Variants in CALR3 observed in about 807,000 individuals in gnomAD.
CALR3 encodes the protein calreticulin-3.
In CALR3, 39 loss-of-function variants were observed where a neutral mutation model predicts 48.7. The observed-to-expected ratio is 0.80, with a 90% CI of 0.62 to 1.05. CALR3 has a LOEUF of 1.05. CALR3 is among the 50% of genes least tolerant of loss of function. CALR3 has a pLI of 0.00. For missense variants in CALR3, 449 were observed against 474.7 expected (o/e 0.95, Z 0.50); for synonymous variants, 185 against 172.7 (o/e 1.07, Z -0.56).
intron 3 of CALR3, among the ~76,000 whole-genome samples, chr19:16,486,934 CTTTT>C (rs1040557020): frequency 6.6e-6 from 1 of 152,062 alleles, no homozygotes; most frequent in African/African-American, 2.4e-5. Flanking sequence ...TTATTTTAAT[CTTTT>C]TTTGACCCCA....
rs2093406657 is a variant in CALR3 at position 16,495,681 on chromosome 19, C to T, written c.193+70G>A. ...GGGAATAAAAGCGTTTTGGCTGTGC[C>T]ACAACTACCTAGAGAGGTTGCTATG... On this transcript the variant is annotated intron_variant, in intron 2 of 8. Coordinates refer to ENST00000269881, the MANE Select transcript of CALR3 (RefSeq NM_145046.5). The T allele has an allele frequency of 2.4e-6, 3 of 1,244,672 alleles. 1 individual carries two copies. The South Asian group carries it at 3.6e-5, about 15-fold the overall frequency. The allele number at this position is 1,244,672 out of a possible 1,614,324, so 77.1% of individuals were successfully genotyped here. A position where few individuals can be genotyped will look rare whatever the true frequency, so the allele number is the denominator to read the frequency against.
chr19:16,480,466 C>T (rs888465698), intron 8 of CALR3, 148 bp downstream of exon 8: 28 of 641,816 alleles, frequency 4.4e-5, no homozygotes, highest in African/African-American at 3.1e-4. Context: ...GCAGGAGAAT[C>T]GCTTGAACCC....
Position 16,484,114 on chromosome 19 carries a change from A to G in CALR3, c.494T>C (p.Val165Ala), listed in dbSNP as rs1170351089. Residue 165 changes from valine (V) to alanine (A), a missense_variant and splice_region_variant, in exon 5 of 9, where the codon GTT (valine) becomes GCT (alanine). Transcript: ENST00000269881. ...HENKKLIRCK[V>A]DGFTHLYTLI... ...AGTGTACAGGTGTGTGAAGCCATCA[A>G]CCTGCATATTTTAGGGGGAAAAGCG... 3 of 1,613,460 alleles carry G rather than the reference A, an allele frequency of 1.9e-6. No individual in the cohort carries two copies. Among genetic ancestry groups the G allele is most frequent in the East Asian group, 2.2e-5 (1 of 44,892 alleles).
At position 16,496,102 on chromosome 19, in the gene CALR3, CCCAGAGCTGGA is replaced by C. The variant is rs1568489151; in HGVS notation, c.17_27del (p.Val6GlyfsTer34). 3.1e-6 allele frequency: 5 copies of C among 1,606,156 alleles called. No individual in the cohort carries two copies. The East Asian group carries it at 1.1e-4, about 36-fold the overall frequency. ...AGCGCCACTCGCAGCATGCATATGG[CCCAGAGCTGGA>C]CCAAAGCCCGGGCCATGGGGGTGTG... On this transcript the variant is annotated frameshift_variant, in exon 1 of 9. Coordinates refer to ENST00000269881, the MANE Select transcript of CALR3 (RefSeq NM_145046.5). LOFTEE classifies it high-confidence loss of function.
intron 5 of CALR3, 158 bp downstream of exon 5, chr19:16,483,772 G>T: frequency 1.5e-6 from 1 of 686,234 alleles, no homozygotes; most frequent in Middle Eastern, 3.7e-4. Flanking sequence ...CTTCAGATGT[G>T]TAGAGATGTG....
At chr19:16,482,132 T>G (rs1158287157) in intron 7 of CALR3, among the ~76,000 whole-genome samples, 2 of 150,066 alleles carry the variant, frequency 1.3e-5, no homozygotes, top group South Asian at 4.2e-4. Flanking sequence ...ATGGTCTCGA[T>G]CTCCTGACCT....
intron 7 of CALR3, among the ~76,000 whole-genome samples, chr19:16,481,923 T>TTTTTTC (rs35650345): frequency 1.6e-5 from 2 of 126,318 alleles, no homozygotes; most frequent in Admixed American, 8.9e-5. Context: ...TTTTTTTTTT[T>TTTTTTC]TGAGACGGAG....
intron 2 of CALR3, among the ~76,000 whole-genome samples, chr19:16,492,044 G>C (rs1033542412): frequency 5.3e-5 from 8 of 151,846 alleles, no homozygotes; most frequent in African/African-American, 1.9e-4. Flanking sequence ...GCCCAGGCTG[G>C]TCTTGAACTC....
chr19:16,482,500 C>T lies in CALR3; in HGVS notation c.868G>A (p.Asp290Asn). ...CCAATGTTCTCAAATTCTGAGAGGT[C>T]ATACTGCGTCAAATAGTCGGTATTC... The part of the protein sequence containing the change: ...MKNTDYLTQY[D>N]LSEFENIGAI... The change falls in exon 7 of 9, where the codon GAC becomes AAC. Residue 290 changes from aspartate (D) to asparagine (N), a missense_variant. By Grantham distance (23) the Asp-to-Asn change is conservative. Coordinates refer to ENST00000269881, the MANE Select transcript of CALR3 (RefSeq NM_145046.5). 1 of 1,614,210 alleles carries T rather than the reference C, an allele frequency of 6.2e-7. No individual in the cohort carries two copies. The highest frequency in any genetic ancestry group is 8.5e-7 in the Non-Finnish European group (1 of 1,180,034).
At chr19:16,484,177 T>TA in intron 4 of CALR3, 62 bp from the exon 5 acceptor site, 16 of 1,396,274 alleles carry the variant, frequency 1.1e-5, no homozygotes, top group African/African-American at 1.5e-5. Flanking sequence ...TCTTTTCTTT[T>TA]CTTTTTTTTT....
chr19:16,479,110 C>A lies in CALR3; in HGVS notation c.*21G>T, dbSNP rs145534922. ...GTAGCAATGAGATTTTACCAGTCATCCTTATATCCAATGGGGATCACTAAA... is the reference window on the plus strand; with the variant it reads ...GTAGCAATGAGATTTTACCAGTCATACTTATATCCAATGGGGATCACTAAA... On this transcript the variant is annotated 3_prime_UTR_variant, in exon 9 of 9. Coordinates refer to ENST00000269881, the MANE Select transcript of CALR3 (RefSeq NM_145046.5). The A allele has an allele frequency of 3.1e-6, 5 of 1,613,690 alleles. No homozygotes were observed. The African/African-American group carries it at 4.0e-5, about 13-fold the overall frequency.
intron 5 of CALR3, 194 bp downstream of exon 5, chr19:16,483,736 G>A (rs1472622969): frequency 8.4e-6 from 5 of 598,322 alleles, no homozygotes; most frequent in East Asian, 2.8e-5. Context: ...AAATAAATAA[G>A]TAAATAAATA....
chr19:16,487,518 C>T (rs555378049), intron 3 of CALR3, among the ~76,000 whole-genome samples: 53 of 147,980 alleles, frequency 3.6e-4, no homozygotes, highest in African/African-American at 1.3e-3. Context: ...GAGATGGGGT[C>T]TTGCTATATT....
chr19:16,479,086 T>C lies in CALR3; in HGVS notation c.*45A>G. 6.2e-7 allele frequency: 1 copy of C among 1,609,156 alleles called. No individual in the cohort carries two copies. Among genetic ancestry groups the C allele is most frequent in the South Asian group, 1.1e-5 (1 of 90,992 alleles). On this transcript the variant is annotated 3_prime_UTR_variant, in exon 9 of 9. Transcript: ENST00000269881. ...TTTGAGTTTGAAACATAGATTAAAG[T>C]AGCAATGAGATTTTACCAGTCATCC...
chr19:16,492,443 T>A (rs2093399540), intron 2 of CALR3, among the ~76,000 whole-genome samples: 1 of 151,540 alleles, frequency 6.6e-6, no homozygotes, highest in South Asian at 2.1e-4. Flanking sequence ...TTTAAAAAAA[T>A]AAATAAGCCA....
In CALR3 at chr19:16,480,839, T is replaced by G. The variant is rs2093379612; in HGVS notation, c.919-133A>C. The G allele has an allele frequency of 5.5e-6, 4 of 725,980 alleles. No homozygotes were observed. In the South Asian group the frequency reaches 6.3e-5, roughly 11 times the overall value. 45.0% of individuals were successfully genotyped at this position (725,980 alleles called of 1,614,324 possible). On this transcript the variant is annotated intron_variant, in intron 7 of 8. Transcript: ENST00000269881. ...TTATTTTTTAGAGATGGGGTCTTGC[T>G]ATGTTGCCTAGGCTGGATTTGAACT...
chr19:16,486,206 C>A (rs2093388749), intron 3 of CALR3, among the ~76,000 whole-genome samples: 1 of 151,368 alleles, frequency 6.6e-6, no homozygotes, highest in Admixed American at 6.6e-5. Flanking sequence ...GTCCCAGGGA[C>A]CTGTGAGGCT....
At chr19:16,480,501 G>T in intron 8 of CALR3, 113 bp downstream of exon 8, 1 of 733,256 alleles carries the variant, frequency 1.4e-6, no homozygotes, top group Non-Finnish European at 2.4e-6. Flanking sequence ...GCAGTGAGCC[G>T]AGACTATGCC....
In CALR3 at chr19:16,490,525, C is replaced by T. The variant is rs746369368; in HGVS notation, c.239G>A (p.Arg80His). 9 of 1,614,070 alleles carry T rather than the reference C, an allele frequency of 5.6e-6. No homozygotes were observed. The highest frequency in any genetic ancestry group is 5.5e-5 in the South Asian group (5 of 91,082). ...QNGRFYAISA[R>H]FKPFSNKGKT... ...CCCTTTATTGCTGAACGGTTTGAAG[C>T]GTGCAGAGATGGCATAGAATCGGCC... Residue 80 changes from arginine (R) to histidine (H), a missense_variant, in exon 3 of 9, where the codon CGC becomes CAC. Coordinates refer to ENST00000269881, the MANE Select transcript of CALR3 (RefSeq NM_145046.5).
Sources: gnomAD v4.1 joint callset for allele counts (sites outside exome capture counted in the v4.1 genomes callset) on GRCh38, gnomAD v4.1.1 for gene constraint, MANE v1.5 for transcripts, NCBI Gene and HGNC (gene_info 2026-07-23, HGNC 2026-07-21) for gene names.